Variants in TOX observed in about 807,000 individuals in gnomAD.
TOX encodes thymocyte selection associated high mobility group box.
In TOX, 11 loss-of-function variants were observed where a neutral mutation model predicts 53.7. That is an observed-to-expected ratio of 0.20 (90% confidence interval 0.13 to 0.34). The LOEUF (loss-of-function observed/expected upper bound fraction) is 0.34. Ranked by LOEUF, TOX falls within the 10% of genes least tolerant of loss-of-function variation. TOX has a pLI of 1.00. For missense variants in TOX, 570 were observed against 664.6 expected (o/e 0.86, Z 1.56); for synonymous variants, 225 against 245.3 (o/e 0.92, Z 0.77).
At chr8:59,105,041 C>T (rs1469524113) in intron 1 of TOX, among the ~76,000 whole-genome samples, 1 of 152,186 alleles carries the variant, frequency 6.6e-6, no homozygotes. Context: ...TCAAAAAATG[C>T]TTTTCAATTT....
At position 59,119,055 on chromosome 8, in the gene TOX, C is replaced by G; in HGVS notation, c.-68G>C. ...AAAAAAAAGTGTTCAGCAAAACAAG[C>G]TTAGACGGAACAGAGTGAGGTGTCT... On this transcript the variant is annotated 5_prime_UTR_variant, in exon 1 of 9. Coordinates refer to ENST00000361421, the MANE Select transcript of TOX (RefSeq NM_014729.3). 9.0e-7 allele frequency: 1 copy of G among 1,113,028 alleles called. No individual in the cohort carries two copies. Among genetic ancestry groups the G allele is most frequent in the South Asian group, 1.3e-5 (1 of 75,582 alleles). The allele number at this position is 1,113,028 out of a possible 1,614,324, so 68.9% of individuals were successfully genotyped here. A position where few individuals can be genotyped will look rare whatever the true frequency, so the allele number is the denominator to read the frequency against.
At chr8:58,886,449 A>C (rs1021267520) in intron 3 of TOX, among the ~76,000 whole-genome samples, 1 of 152,122 alleles carries the variant, frequency 6.6e-6, no homozygotes. Flanking sequence ...CCAGGGCTAC[A>C]TGTGACCATG....
chr8:58,888,665 G>GA (rs1440599124), intron 3 of TOX, among the ~76,000 whole-genome samples: 1 of 151,494 alleles, frequency 6.6e-6, no homozygotes, highest in Non-Finnish European at 1.5e-5. Context: ...TAAAACACTT[G>GA]AAAAAAATCA....
At chr8:59,028,377 T>C (rs1253438880) in intron 1 of TOX, among the ~76,000 whole-genome samples, 1 of 152,186 alleles carries the variant, frequency 6.6e-6, no homozygotes, top group East Asian at 1.9e-4. Context: ...GAAAAGGGGT[T>C]ATTTTACAAA....
chr8:58,891,951 G>A (rs766011967), intron 3 of TOX, among the ~76,000 whole-genome samples: 6 of 152,010 alleles, frequency 3.9e-5, no homozygotes, highest in African/African-American at 1.2e-4. Flanking sequence ...CGCATCACCC[G>A]GTTTCTACTA....
At chr8:58,967,555 G>A (rs1194532384) in intron 1 of TOX, among the ~76,000 whole-genome samples, 1 of 152,102 alleles carries the variant, frequency 6.6e-6, no homozygotes, top group East Asian at 1.9e-4. Flanking sequence ...AAGCACAGCA[G>A]CAATTTATAT....
rs557380652 is a variant in TOX at position 58,826,885 on chromosome 8, G to A, written c.942C>T (p.Thr314=). 19 of 1,611,308 alleles carry A rather than the reference G, an allele frequency of 1.2e-5. No individual in the cohort carries two copies. The highest frequency in any genetic ancestry group is 1.1e-4 in the South Asian group (10 of 90,716). The stretch of plus-strand genomic sequence containing the variant: ...TCAGGTACTCCTTCTTCGCAGCCTC[G>A]GTTTTCTTTTTATAGACCTGCAACA... ...EEQKQVYKKK[T]EAAKKEYLKQ... is the part of the protein sequence containing the mutation. The change falls in exon 6 of 9, where the codon ACC becomes ACT. Residue 314 remains threonine, a synonymous_variant. Coordinates refer to ENST00000361421, the MANE Select transcript of TOX (RefSeq NM_014729.3).
intron 5 of TOX, among the ~76,000 whole-genome samples, chr8:58,835,852 A>T (rs190727166): frequency 2.6e-5 from 4 of 152,280 alleles, no homozygotes; most frequent in Admixed American, 2.6e-4. Context: ...AGAAATGAAG[A>T]GTTTGGCAAA....
At chr8:58,882,913 T>C (rs756915060) in intron 3 of TOX, among the ~76,000 whole-genome samples, 13 of 152,230 alleles carry the variant, frequency 8.5e-5, no homozygotes, top group Non-Finnish European at 1.5e-4. Flanking sequence ...TAGAGACATA[T>C]CCACCCTAAT....
intron 4 of TOX, among the ~76,000 whole-genome samples, chr8:58,844,692 A>G (rs1165303657): frequency 6.6e-6 from 1 of 152,180 alleles, no homozygotes; most frequent in Non-Finnish European, 1.5e-5. Context: ...TATGAAAATC[A>G]TAGCAACTAA....
intron 1 of TOX, among the ~76,000 whole-genome samples, chr8:59,092,426 G>C (rs1047646645): frequency 6.8e-6 from 1 of 146,214 alleles, no homozygotes; most frequent in Non-Finnish European, 1.5e-5. Context: ...CAGTCTGATA[G>C]ATTCCTAATT....
At chr8:59,088,409 C>T (rs1804551070) in intron 1 of TOX, among the ~76,000 whole-genome samples, 1 of 152,114 alleles carries the variant, frequency 6.6e-6, no homozygotes, top group Admixed American at 6.5e-5. Flanking sequence ...GTTTTTGAAC[C>T]TCCAAGTGAA....
chr8:59,090,965 T>G (rs1426625365), intron 1 of TOX, among the ~76,000 whole-genome samples: 1 of 152,118 alleles, frequency 6.6e-6, no homozygotes, highest in East Asian at 1.9e-4. Context: ...CCCTATGCCA[T>G]CTCCACCAGC....
At chr8:58,930,105 T>C (rs1812234842) in intron 3 of TOX, among the ~76,000 whole-genome samples, 1 of 152,182 alleles carries the variant, frequency 6.6e-6, no homozygotes, top group Non-Finnish European at 1.5e-5. Flanking sequence ...TTTGAAAGCA[T>C]TATAGAATTT....
chr8:59,077,494 T>C (rs185471315), intron 1 of TOX, among the ~76,000 whole-genome samples: 5 of 152,248 alleles, frequency 3.3e-5, no homozygotes, highest in Admixed American at 2.0e-4. Context: ...GGAATGTGTG[T>C]CTCGTTGCTG....
intron 3 of TOX, among the ~76,000 whole-genome samples, chr8:58,867,476 G>A (rs901535852): frequency 6.6e-6 from 1 of 152,176 alleles, no homozygotes. Context: ...TCCCTCGAGG[G>A]CAGCCTCCTC....
intron 1 of TOX, among the ~76,000 whole-genome samples, chr8:59,051,716 A>C (rs1246260109): frequency 6.6e-6 from 1 of 152,176 alleles, no homozygotes; most frequent in Non-Finnish European, 1.5e-5. Flanking sequence ...CATCCAGCAG[A>C]TGCTTTAAAA....
chr8:59,008,306 C>T (rs1055289445), intron 1 of TOX, among the ~76,000 whole-genome samples: 5 of 152,218 alleles, frequency 3.3e-5, no homozygotes, highest in Non-Finnish European at 7.3e-5. Context: ...AGAAATTGTA[C>T]AGCTTTAAAT....
chr8:58,870,697 G>A (rs900030020), intron 3 of TOX, among the ~76,000 whole-genome samples: 1 of 151,690 alleles, frequency 6.6e-6, no homozygotes, highest in Admixed American at 6.6e-5. Context: ...TAGATCAATG[G>A]AACAGAATAG....
Sources: gnomAD v4.1 joint callset for allele counts (sites outside exome capture counted in the v4.1 genomes callset) on GRCh38, gnomAD v4.1.1 for gene constraint, MANE v1.5 for transcripts, NCBI Gene and HGNC (gene_info 2026-07-23, HGNC 2026-07-21) for gene names.